The following ELP1 variants were observed in gnomAD, a reference collection of about 807,000 sequenced individuals.
The protein encoded by ELP1 is elongator complex protein 1.
ELP1 carries 131 observed loss-of-function variants against 183.2 expected under a neutral mutation model. That is an observed-to-expected ratio of 0.72 (90% CI 0.62 to 0.83). The LOEUF is 0.83. ELP1 is among the 40% of genes least tolerant of loss of function. ELP1 has a pLI of 0.00. For synonymous variants in ELP1, 555 were observed against 569.0 expected (o/e 0.98, Z 0.35); for missense variants, 1,550 against 1,594.9 (o/e 0.97, Z 0.48).
In ELP1 at chr9:108,891,307, A is replaced by G. The variant is rs748522415; in HGVS notation, c.3056T>C (p.Leu1019Pro). 6.8e-6 allele frequency: 11 copies of G among 1,614,172 alleles called. No homozygotes were observed. Among genetic ancestry groups the G allele is most frequent in the Non-Finnish European group, 8.5e-6 (10 of 1,180,008 alleles). The change falls in exon 28 of 37, where the codon CTC (leucine) becomes CCC (proline). Residue 1019 changes from leucine (L) to proline (P), a missense_variant. By Grantham distance (98) the Leu-to-Pro change is moderately conservative. Transcript: ENST00000374647. ...FARCGAHEKA[L>P]SAFLTCGNWK... ...GTTGCCACATGTCAGAAAGGCTGAG[A>G]GAGCTTTCTCGTGGGCACCGCAACG... is the stretch of plus-strand genomic sequence containing the variant.
chr9:108,896,434 G>T (rs1007854712), intron 25 of ELP1, 62 bp downstream of exon 25: 19 of 1,493,026 alleles, frequency 1.3e-5, no homozygotes, highest in Non-Finnish European at 1.7e-5. Flanking sequence ...CCAGAAGCAG[G>T]GTTTCACACT....
At position 108,901,609 on chromosome 9, in the gene ELP1, C is replaced by T; in HGVS notation, c.1908+19G>A. On this transcript the variant is annotated intron_variant, in intron 17 of 36. Transcript: ENST00000374647. ...CTAACACTGTGAAAAGGATCCAACA[C>T]CAAACCAAGCCTTGATACCTCAATG... 6.2e-7 allele frequency: 1 copy of T among 1,614,050 alleles called. No individual in the cohort carries two copies. Among genetic ancestry groups the T allele is most frequent in the Non-Finnish European group, 8.5e-7 (1 of 1,179,888 alleles).
chr9:108,890,422 CT>C (rs1161496236), intron 28 of ELP1, among the ~76,000 whole-genome samples: 1 of 152,050 alleles, frequency 6.6e-6, no homozygotes. Flanking sequence ...TTTAGGACTG[CT>C]TTTTATTTTT....
intron 31 of ELP1, 47 bp downstream of exon 31, chr9:108,881,658 C>T (rs1372831563): frequency 1.7e-6 from 2 of 1,181,066 alleles, no homozygotes; most frequent in Admixed American, 1.7e-5. Context: ...TCTCTCTCTC[C>T]TCACCTTCTT....
intron 1 of ELP1, among the ~76,000 whole-genome samples, chr9:108,931,894 A>G (rs1830013207): frequency 6.6e-6 from 1 of 152,250 alleles, no homozygotes; most frequent in Non-Finnish European, 1.5e-5. Flanking sequence ...ACGTGAGAAA[A>G]GAGTGCTAAA....
Position 108,891,311 on chromosome 9 carries a change from C to G in ELP1, c.3052G>C (p.Ala1018Pro), listed in dbSNP as rs1422315058. The part of the protein sequence containing the change: ...MFARCGAHEK[A>P]LSAFLTCGNW... ...CCACATGTCAGAAAGGCTGAGAGAG[C>G]TTTCTCGTGGGCACCGCAACGGGCA... is the stretch of plus-strand genomic sequence containing the variant. Residue 1018 changes from alanine to proline, a missense_variant, in exon 28 of 37, where the codon GCT becomes CCT. Physicochemically the swap from Ala to Pro is conservative, Grantham distance 27. Transcript: ENST00000374647. The G allele has an allele frequency of 6.2e-7, 1 of 1,614,078 alleles. No homozygotes were observed. Among genetic ancestry groups the G allele is most frequent in the African/African-American group, 1.3e-5 (1 of 74,936 alleles).
intron 3 of ELP1, among the ~76,000 whole-genome samples, chr9:108,929,323 G>T (rs1366795899): frequency 6.6e-6 from 1 of 152,162 alleles, no homozygotes; most frequent in Non-Finnish European, 1.5e-5. Flanking sequence ...CACATGTGCA[G>T]GTAATGACAA....
At chr9:108,915,926 G>A (rs1587913157) in intron 10 of ELP1, among the ~76,000 whole-genome samples, 3 of 151,798 alleles carry the variant, frequency 2.0e-5, no homozygotes, top group Admixed American at 1.3e-4. Flanking sequence ...GACCATGTGT[G>A]GATTTTGGCG....
chr9:108,881,872 C>A, intron 30 of ELP1, 107 bp from the exon 31 acceptor site: 1 of 788,832 alleles, frequency 1.3e-6, no homozygotes, highest in Non-Finnish European at 2.2e-6. Context: ...AGAATATTTT[C>A]CTGAAAAACA....
In ELP1 at chr9:108,902,530, C is replaced by T. The variant is rs55912317; in HGVS notation, c.1854+309G>A. On this transcript the variant is annotated intron_variant, in intron 16 of 36. Transcript: ENST00000374647. Reference sequence around the variant, plus strand: ...TGAATAAAAATCTACTAAAACTATTCTCAAGATCACATTTCTGTTTCCCCT... The same window carrying T: ...TGAATAAAAATCTACTAAAACTATTTTCAAGATCACATTTCTGTTTCCCCT... Among the ~76,000 whole-genome samples, 11,917 of 152,258 alleles carry T rather than the reference C, an allele frequency of 0.078. 541 individuals are homozygous for T. Among genetic ancestry groups the T allele is most frequent in the East Asian group, 0.16 (836 of 5,184 alleles).
intron 27 of ELP1, among the ~76,000 whole-genome samples, chr9:108,892,097 C>T (rs1828363075): frequency 6.6e-6 from 1 of 152,170 alleles, no homozygotes; most frequent in South Asian, 2.1e-4. Flanking sequence ...CCTTAAGGAG[C>T]CCACAGCCTG....
chr9:108,903,024 C>T, intron 15 of ELP1, 82 bp from the exon 16 acceptor site: 2 of 907,956 alleles, frequency 2.2e-6, no homozygotes, highest in Non-Finnish European at 3.6e-6. Flanking sequence ...TGCTAAAACA[C>T]TTAACATGCA....
At chr9:108,870,441 AAAC>A (rs1474047907) in intron 36 of ELP1, among the ~76,000 whole-genome samples, 1 of 152,246 alleles carries the variant, frequency 6.6e-6, no homozygotes, top group Non-Finnish European at 1.5e-5. Flanking sequence ...ATCATAAAGA[AAAC>A]AATATTTACT....
At chr9:108,901,052 G>C (rs538707102) in intron 18 of ELP1, among the ~76,000 whole-genome samples, 1 of 152,040 alleles carries the variant, frequency 6.6e-6, no homozygotes, top group Non-Finnish European at 1.5e-5. Flanking sequence ...ACTAGATGGA[G>C]CGCAGATGTA....
In ELP1 at chr9:108,931,098, C is replaced by T. The variant is rs1829991757; in HGVS notation, c.49G>A (p.Gly17Ser). 1.2e-6 allele frequency: 2 copies of T among 1,613,968 alleles called. No homozygotes were observed. Residue 17 changes from glycine to serine, a missense_variant, in exon 2 of 37, where the codon GGT becomes AGT. By Grantham distance (56) the Gly-to-Ser change is moderately conservative. Coordinates refer to ENST00000374647, the MANE Select transcript of ELP1 (RefSeq NM_003640.5). ...FRTLEFRDIQGPGNPQCFSLR... is the reference protein window; with the variant it reads ...FRTLEFRDIQSPGNPQCFSLR... ...GAGAAGCACTGAGGATTCCCTGGAC[C>T]TTGAATATCCCTGAACTCCAGGGTC...
At chr9:108,883,753 G>A (rs1335872518) in intron 29 of ELP1, among the ~76,000 whole-genome samples, 5 of 151,942 alleles carry the variant, frequency 3.3e-5, no homozygotes, top group African/African-American at 7.3e-5. Flanking sequence ...AAATCCTACA[G>A]CAACCACTAA....
At chr9:108,913,159 G>C (rs1013044821) in intron 10 of ELP1, among the ~76,000 whole-genome samples, 4 of 152,266 alleles carry the variant, frequency 2.6e-5, no homozygotes, top group African/African-American at 9.6e-5. Flanking sequence ...GAAGATTTAG[G>C]AAGAAGATAA....
rs138630440 is a variant in ELP1, at chr9:108,933,985, G to C, written c.-177C>G. The C allele has an allele frequency of 1.7e-4, 27 of 157,644 alleles. No individual in the cohort carries two copies. Among genetic ancestry groups the C allele is most frequent in the Non-Finnish European group, 2.8e-4 (20 of 71,182 alleles). The allele number at this position is 157,644 out of a possible 1,614,324, so 9.8% of individuals were successfully genotyped here. A position where few individuals can be genotyped will look rare whatever the true frequency, so the allele number is the denominator to read the frequency against. On this transcript the variant is annotated 5_prime_UTR_variant, in exon 1 of 37. Coordinates refer to ENST00000374647, the MANE Select transcript of ELP1 (RefSeq NM_003640.5). ...GGCTCCGAATTGCGCACGCGTCTCT[G>C]TCCGCGGCTCCCGCTCTCTCTCCGA...
chr9:108,913,035 C>T (rs1814383706), intron 10 of ELP1, among the ~76,000 whole-genome samples: 1 of 152,056 alleles, frequency 6.6e-6, no homozygotes. Context: ...GCTGAGATTA[C>T]AGGCCTGAGC....
Sources: gnomAD v4.1 joint callset for allele counts (sites outside exome capture counted in the v4.1 genomes callset) on GRCh38, gnomAD v4.1.1 for gene constraint, MANE v1.5 for transcripts, NCBI Gene and HGNC (gene_info 2026-07-23, HGNC 2026-07-21) for gene names.